Variants in ENTHD1 observed in about 807,000 individuals in gnomAD.
The protein encoded by ENTHD1 is ENTH domain containing 1, also known as ENTH domain-containing protein 1.
In ENTHD1, 23 loss-of-function variants were observed where a neutral mutation model predicts 39.1. The observed-to-expected ratio is 0.59, with a 90% CI of 0.42 to 0.83. ENTHD1 has a LOEUF of 0.83. Among genes scored for constraint, ENTHD1 ranks in the 40% least tolerant of loss-of-function variants. The pLI is 0.00. For synonymous variants in ENTHD1, 230 were observed against 258.2 expected, an observed-to-expected ratio of 0.89 and a Z score of 1.05; for missense variants, 624 against 705.4, an observed-to-expected ratio of 0.88 and a Z score of 1.31.
At chr22:39,806,727 G>A (rs1022262776) in intron 5 of ENTHD1, among the ~76,000 whole-genome samples, 8 of 152,076 alleles carry the variant, frequency 5.3e-5, no homozygotes, top group African/African-American at 1.9e-4. Context: ...CAGATCTGAG[G>A]CAGGCACAGG....
Position 39,765,438 on chromosome 22 carries a change from C to T in ENTHD1, c.1004G>A (p.Cys335Tyr). 2 of 1,613,966 alleles carry T rather than the reference C, an allele frequency of 1.2e-6. No individual in the cohort carries two copies. The highest frequency in any genetic ancestry group is 1.7e-6 in the Non-Finnish European group (2 of 1,179,978). The change falls in exon 6 of 7, where the codon TGT (cysteine) becomes TAT (tyrosine). Residue 335 changes from cysteine to tyrosine, a missense_variant. Coordinates refer to ENST00000325157, the MANE Select transcript of ENTHD1 (RefSeq NM_152512.4). The stretch of plus-strand genomic sequence containing the variant: ...GATAAACTCCTCTTTACTTGACCAA[C>T]ATGCTGGTAAAATTGTCAATGTTTT... ...GLKTLTILPA[C>Y]WSSKEEFISP...
chr22:39,864,509 A>G (rs2066169076), intron 2 of ENTHD1, among the ~76,000 whole-genome samples: 1 of 152,116 alleles, frequency 6.6e-6, no homozygotes, highest in Admixed American at 6.5e-5. Flanking sequence ...TTATATATTT[A>G]TTGGTTTACT....
chr22:39,758,314 C>T (rs1433501361), intron 6 of ENTHD1, among the ~76,000 whole-genome samples: 2 of 152,138 alleles, frequency 1.3e-5, no homozygotes, highest in South Asian at 2.1e-4. Context: ...TGAATAAAAG[C>T]GGTGACAGCA....
intron 5 of ENTHD1, among the ~76,000 whole-genome samples, chr22:39,781,603 T>C (rs1674989361): frequency 6.6e-6 from 1 of 151,766 alleles, no homozygotes; most frequent in South Asian, 2.1e-4. Context: ...CTCAAGGAAC[T>C]AGAGAAGCAG....
intron 3 of ENTHD1, among the ~76,000 whole-genome samples, chr22:39,842,357 G>A (rs1425523883): frequency 4.4e-4 from 67 of 151,740 alleles, no homozygotes; most frequent in African/African-American, 1.4e-3. Flanking sequence ...CATTCTCCCC[G>A]TCACTTTCAG....
At chr22:39,830,805 C>T (rs1218891064) in intron 4 of ENTHD1, among the ~76,000 whole-genome samples, 2 of 152,180 alleles carry the variant, frequency 1.3e-5, no homozygotes, top group East Asian at 3.9e-4. Flanking sequence ...GAGATAATTT[C>T]ACAGTCATGA....
chr22:39,753,936 C>T (rs900890013), intron 6 of ENTHD1, among the ~76,000 whole-genome samples: 3 of 152,198 alleles, frequency 2.0e-5, no homozygotes, highest in Admixed American at 2.0e-4. Context: ...TTTTCTCCCA[C>T]TCTATCAACG....
intron 5 of ENTHD1, among the ~76,000 whole-genome samples, chr22:39,791,571 T>C (rs879385803): frequency 5.3e-5 from 8 of 151,900 alleles, no homozygotes; most frequent in African/African-American, 1.9e-4. Flanking sequence ...ATTTTTTTTG[T>C]ATTTTTATTA....
chr22:39,820,448 T>C (rs2065774219), intron 5 of ENTHD1, among the ~76,000 whole-genome samples: 1 of 152,180 alleles, frequency 6.6e-6, no homozygotes, highest in Non-Finnish European at 1.5e-5. Flanking sequence ...TGAGAGTTCA[T>C]GGAGAATAGA....
At chr22:39,864,431 C>T (rs140959633) in intron 2 of ENTHD1, among the ~76,000 whole-genome samples, 7 of 152,316 alleles carry the variant, frequency 4.6e-5, no homozygotes, top group African/African-American at 1.7e-4. Flanking sequence ...AAAATAGCCC[C>T]ACCCTCATCA....
intron 6 of ENTHD1, among the ~76,000 whole-genome samples, chr22:39,749,332 G>A (rs1374442046): frequency 6.6e-6 from 1 of 152,184 alleles, no homozygotes; most frequent in Non-Finnish European, 1.5e-5. Context: ...ATCTCATTGT[G>A]TGATATTTGC....
chr22:39,765,197 T>C, intron 6 of ENTHD1, 26 bp downstream of exon 6: 1 of 1,554,040 alleles, frequency 6.4e-7, no homozygotes, highest in Non-Finnish European at 8.7e-7. Context: ...TGTGTGTGTG[T>C]GTGTGTGTGT....
chr22:39,840,721 T>C (rs1471013957), intron 3 of ENTHD1, among the ~76,000 whole-genome samples: 2 of 152,188 alleles, frequency 1.3e-5, no homozygotes, highest in Non-Finnish European at 2.9e-5. Flanking sequence ...TTTGGAACCT[T>C]GACTCCAATT....
At chr22:39,875,335 G>C in intron 2 of ENTHD1, 1 of 1,335,958 alleles carries the variant, frequency 7.5e-7, no homozygotes, top group Non-Finnish European at 9.5e-7. Context: ...CGCCCGTCCT[G>C]TCGGCCACGT....
At chr22:39,761,364 T>C (rs2065231621) in intron 6 of ENTHD1, among the ~76,000 whole-genome samples, 1 of 152,236 alleles carries the variant, frequency 6.6e-6, no homozygotes, top group Non-Finnish European at 1.5e-5. Flanking sequence ...TTCAAGATTT[T>C]GTCTCTGGAA....
At chr22:39,764,665 T>A (rs2065260616) in intron 6 of ENTHD1, among the ~76,000 whole-genome samples, 1 of 151,626 alleles carries the variant, frequency 6.6e-6, no homozygotes, top group African/African-American at 2.4e-5. Context: ...AAATCTCAAC[T>A]GGCTTTATCC....
intron 1 of ENTHD1, among the ~76,000 whole-genome samples, chr22:39,888,530 C>T (rs572468086): frequency 2.0e-5 from 3 of 152,032 alleles, no homozygotes; most frequent in East Asian, 1.9e-4. Flanking sequence ...CGGGTTCAAG[C>T]GATTATCCTG....
intron 3 of ENTHD1, among the ~76,000 whole-genome samples, chr22:39,846,082 C>A (rs2065985872): frequency 6.6e-6 from 1 of 152,118 alleles, no homozygotes; most frequent in Non-Finnish European, 1.5e-5. Context: ...AGGACAGTTT[C>A]TTTGATAAGT....
rs1178885690 is a variant in ENTHD1 at position 39,875,564 on chromosome 22, C to T, written c.349+11836G>A. ...CAAGGTGCCTGACTTCTCTGAATAC[C>T]GCCGCCTTGAAGTTTTAGATAGTAC... On this transcript the variant is annotated intron_variant, in intron 2 of 6. Coordinates refer to ENST00000325157, the MANE Select transcript of ENTHD1 (RefSeq NM_152512.4). 4 of 1,611,078 alleles carry T rather than the reference C, an allele frequency of 2.5e-6. No individual in the cohort carries two copies. In the East Asian group the frequency reaches 6.7e-5, roughly 27 times the overall value.
Sources: gnomAD v4.1 joint callset for allele counts (sites outside exome capture counted in the v4.1 genomes callset) on GRCh38, gnomAD v4.1.1 for gene constraint, MANE v1.5 for transcripts, NCBI Gene and HGNC (gene_info 2026-07-23, HGNC 2026-07-21) for gene names.